The following CYLD variants were observed in gnomAD, a reference collection of about 807,000 sequenced individuals.
CYLD encodes the protein CYLD lysine 63 deubiquitinase.
A neutral mutation model predicts 104.5 loss-of-function variants in CYLD; 26 were observed. That is an observed-to-expected ratio of 0.25 (90% CI 0.18 to 0.35). CYLD has a LOEUF of 0.35. Ranked by LOEUF, CYLD falls within the 10% of genes least tolerant of loss-of-function variation. The probability of loss-of-function intolerance (pLI) is 1.00; values close to 1 mark genes in which losing one functional copy is unlikely to be tolerated. For missense variants in CYLD, 703 were observed against 1,136.1 expected, an observed-to-expected ratio of 0.62 and a Z score of 5.48; for synonymous variants, 385 against 399.9, an observed-to-expected ratio of 0.96 and a Z score of 0.45.
At chr16:50,742,936 T>C in intron 2 of CYLD, 95 bp downstream of exon 2, 1 of 397,136 alleles carries the variant, frequency 2.5e-6, no homozygotes, top group Non-Finnish European at 4.4e-6. Flanking sequence ...CTTCAGGAGA[T>C]GGTGTTGAGT....
chr16:50,787,456 C>G, intron 13 of CYLD: 1 of 304,176 alleles, frequency 3.3e-6, no homozygotes, highest in Non-Finnish European at 6.2e-6. Flanking sequence ...CAGAGGCTTG[C>G]AGGAAAAAAC....
rs764653261 is a variant in CYLD at position 50,779,819 on chromosome 16, A to C, written c.1293A>C (p.Gly431=). 6 of 1,613,458 alleles carry C rather than the reference A, an allele frequency of 3.7e-6. No individual in the cohort carries two copies. The South Asian group carries it at 6.6e-5, about 18-fold the overall frequency. ...FSLTKMPNTN[G]SIGHSPLSLS... is the part of the protein sequence containing the mutation. ...TCACCAAGATGCCCAATACCAATGG[A>C]AGTATTGGCCACAGTCCACTTTCTC... Residue 431 remains glycine (G), a synonymous_variant, in exon 9 of 19, where the codon GGA becomes GGC. Transcript: ENST00000427738.
At chr16:50,793,227 G>T (rs1413722128) in intron 16 of CYLD, among the ~76,000 whole-genome samples, 2 of 151,868 alleles carry the variant, frequency 1.3e-5, no homozygotes, top group Non-Finnish European at 2.9e-5. Context: ...GTTATCTTCT[G>T]CCAACTAAAA....
chr16:50,750,539 T>G (rs1037619956), intron 3 of CYLD, among the ~76,000 whole-genome samples: 8 of 152,334 alleles, frequency 5.3e-5, no homozygotes, highest in Admixed American at 2.6e-4. Flanking sequence ...TTCTTGCAAA[T>G]AGAATTGTAT....
rs1597102344 is a variant in CYLD, at chr16:50,798,055, C to T, written c.*1547C>T. 5 of 232,276 alleles carry T rather than the reference C, an allele frequency of 2.2e-5. No individual in the cohort carries two copies. The East Asian group carries it at 3.0e-4, about 14-fold the overall frequency. The allele number at this position is 232,276 out of a possible 1,614,324, so 14.4% of individuals were successfully genotyped here. A position where few individuals can be genotyped will look rare whatever the true frequency, so the allele number is the denominator to read the frequency against. ...GACTCTGGGTTTAGGGCTAGCCCTG[C>T]CTCCATCTCCCTTGGGTAAAATGAA... On this transcript the variant is annotated 3_prime_UTR_variant, in exon 19 of 19. Coordinates refer to ENST00000427738, the MANE Select transcript of CYLD (RefSeq NM_001378743.1).
chr16:50,797,407 C>G lies in CYLD; in HGVS notation c.*899C>G. ...TTCCTGGGAGAGATGGATATTTAAA[C>G]CTCTATTATTTTAGACAAGACTGTC... is the stretch of plus-strand genomic sequence containing the variant. On this transcript the variant is annotated 3_prime_UTR_variant, in exon 19 of 19. Coordinates refer to ENST00000427738, the MANE Select transcript of CYLD (RefSeq NM_001378743.1). 1 of 232,120 alleles carries G rather than the reference C, an allele frequency of 4.3e-6. No homozygotes were observed. The highest frequency in any genetic ancestry group is 6.1e-5 in the East Asian group (1 of 16,452). 14.4% of individuals were successfully genotyped at this position (232,120 alleles called of 1,614,324 possible). A position where few individuals can be genotyped will look rare whatever the true frequency, so the allele number is the denominator to read the frequency against.
intron 8 of CYLD, among the ~76,000 whole-genome samples, chr16:50,778,463 G>A (rs181880592): frequency 1.1e-4 from 17 of 152,332 alleles, no homozygotes; most frequent in South Asian, 8.3e-4. Context: ...ACACAGTAGA[G>A]TTGCCTTGGT....
At chr16:50,756,547 A>G (rs1251025250) in intron 5 of CYLD, among the ~76,000 whole-genome samples, 1 of 152,178 alleles carries the variant, frequency 6.6e-6, no homozygotes. Context: ...CAGGTAATTG[A>G]CAATTTCTGT....
At chr16:50,788,259 C>G (rs1157793785) in intron 14 of CYLD, among the ~76,000 whole-genome samples, 2 of 152,128 alleles carry the variant, frequency 1.3e-5, no homozygotes, top group African/African-American at 4.8e-5. Context: ...ATTAGCTTTC[C>G]TGTTTTTAGT....
At chr16:50,771,312 G>T (rs1010240486) in intron 5 of CYLD, among the ~76,000 whole-genome samples, 3 of 148,328 alleles carry the variant, frequency 2.0e-5, no homozygotes, top group South Asian at 2.1e-4. Context: ...TCTTTTCAAG[G>T]TTCATCCGTA....
intron 7 of CYLD, among the ~76,000 whole-genome samples, chr16:50,776,630 G>A (rs1395055926): frequency 6.6e-6 from 1 of 152,138 alleles, no homozygotes; most frequent in Non-Finnish European, 1.5e-5. Context: ...TATACTAGAG[G>A]TTAATTAAAT....
intron 5 of CYLD, among the ~76,000 whole-genome samples, chr16:50,755,137 G>A (rs554985572): frequency 0.11 from 3,872 of 36,498 alleles, 254 homozygotes; most frequent in African/African-American, 0.18. Flanking sequence ...ATATACACAC[G>A]TGTACATATG....
chr16:50,764,914 G>T (rs1968330903), intron 5 of CYLD, among the ~76,000 whole-genome samples: 1 of 152,178 alleles, frequency 6.6e-6, no homozygotes, highest in Admixed American at 6.5e-5. Flanking sequence ...CAAATTCTAG[G>T]AGTTATGCTC....
chr16:50,770,173 C>T (rs567454652), intron 5 of CYLD, among the ~76,000 whole-genome samples: 19 of 152,106 alleles, frequency 1.2e-4, no homozygotes, highest in South Asian at 4.2e-4. Context: ...TGTCCAAGTG[C>T]GTATTCGGTG....
chr16:50,775,891 TA>T (rs1969628152), intron 6 of CYLD, among the ~76,000 whole-genome samples: 1 of 152,190 alleles, frequency 6.6e-6, no homozygotes, highest in Admixed American at 6.5e-5. Flanking sequence ...AGAGATCAAA[TA>T]AAATTGACTA....
At chr16:50,791,004 T>A (rs1041643689) in intron 14 of CYLD, among the ~76,000 whole-genome samples, 21 of 152,166 alleles carry the variant, frequency 1.4e-4, no homozygotes, top group African/African-American at 4.8e-4. Flanking sequence ...ACAGCATGCT[T>A]TAGCAGAAAG....
chr16:50,796,439 T>C lies in CYLD; in HGVS notation c.2802T>C (p.Cys934=), dbSNP rs1567462052. ...HSLDSRRIQG[C]ARRLLCDAYM... is the part of the protein sequence containing the mutation. ...TGGACTCCAGGAGAATCCAAGGCTG[T>C]GCACGAAGACTGCTTTGTGATGCAT... Residue 934 remains cysteine, a synonymous_variant, in exon 19 of 19, where the codon TGT becomes TGC. Coordinates refer to ENST00000427738, the MANE Select transcript of CYLD (RefSeq NM_001378743.1). 6.2e-7 allele frequency: 1 copy of C among 1,614,122 alleles called. No individual in the cohort carries two copies.
chr16:50,782,525 G>GT, intron 11 of CYLD, 59 bp downstream of exon 11: 1 of 1,462,428 alleles, frequency 6.8e-7, no homozygotes, highest in South Asian at 1.2e-5. Context: ...GACACATACC[G>GT]GTGTGTGTGT....
intron 5 of CYLD, among the ~76,000 whole-genome samples, 164 bp from the exon 6 acceptor site, chr16:50,775,002 A>G (rs1305025685): frequency 6.6e-6 from 1 of 152,196 alleles, no homozygotes; most frequent in Non-Finnish European, 1.5e-5. Flanking sequence ...TCCTCTTTCA[A>G]CCATGGAAAA....
Sources: allele counts gnomAD v4.1 joint callset (sites outside exome capture counted in the v4.1 genomes callset), GRCh38; gene constraint gnomAD v4.1.1; transcripts MANE v1.5; gene names NCBI Gene and HGNC (gene_info 2026-07-23, HGNC 2026-07-21).